UTS2B: variants seen among roughly 807,000 people sequenced by gnomAD.
UTS2B encodes urotensin 2B.
In UTS2B, 21 loss-of-function variants were observed where a neutral mutation model predicts 19.2. The observed-to-expected ratio is 1.09, with a 90% confidence interval of 0.78 to 1.58. The LOEUF is 1.58. Among genes scored for constraint, UTS2B ranks in the 40% most tolerant of loss-of-function variants. UTS2B has a pLI of 0.00. For missense variants in UTS2B, 138 were observed against 130.3 expected (o/e 1.06, Z -0.29); for synonymous variants, 57 against 50.2 (o/e 1.14, Z -0.58).
At chr3:191,294,375 A>T (rs146330195) in intron 4 of UTS2B, among the ~76,000 whole-genome samples, 160 of 152,054 alleles carry the variant, frequency 1.1e-3, no homozygotes, top group Non-Finnish European at 1.6e-3. Flanking sequence ...TTAAATTAGC[A>T]GTGCCTTTGT....
chr3:191,278,100 AT>A lies in UTS2B; in HGVS notation c.173del (p.Asn58IlefsTer12). The A allele has an allele frequency of 6.4e-7, 1 of 1,565,218 alleles. No individual in the cohort carries two copies. The highest frequency in any genetic ancestry group is 8.6e-7 in the Non-Finnish European group (1 of 1,160,048). ...EELLLALLNK[N>X]FDFQRPFNTD... ...TGTTGAAAGGTCTTTGGAAATCAAA[AT>A]TTTTATTCAGTAGAGCCAGCAATAG... On this transcript the variant is annotated frameshift_variant, in exon 6 of 9. Transcript: ENST00000340524. LOFTEE classifies it high-confidence loss of function.
chr3:191,270,852 G>A (rs1036465624), intron 8 of UTS2B, among the ~76,000 whole-genome samples: 1 of 152,022 alleles, frequency 6.6e-6, no homozygotes, highest in Non-Finnish European at 1.5e-5. Flanking sequence ...AAAGCTTAAA[G>A]CTTGTATTTG....
At chr3:191,329,352 T>C (rs1008350043) in intron 1 of UTS2B, 4 of 279,714 alleles carry the variant, frequency 1.4e-5, no homozygotes, top group Admixed American at 1.1e-4. Flanking sequence ...CCCGCCCGCC[T>C]TTCTGTCTCC....
In UTS2B at chr3:191,267,791, G is replaced by T. The variant is rs1026166245; in HGVS notation, c.*625C>A. On this transcript the variant is annotated 3_prime_UTR_variant, in exon 9 of 9. Transcript: ENST00000340524. ...TGTATGTAGAAGTACAGTATACAGA[G>T]ATAAGAATTTACAATATACTGTGTG... 3 of 139,740 alleles carry T rather than the reference G, an allele frequency of 2.1e-5. No homozygotes were observed. Among genetic ancestry groups the T allele is most frequent in the African/African-American group, 7.4e-5 (3 of 40,278 alleles). 8.7% of individuals were successfully genotyped at this position (139,740 alleles called of 1,614,324 possible).
chr3:191,332,439 G>A (rs1718022878), upstream of UTS2B, among the ~76,000 whole-genome samples: 1 of 152,160 alleles, frequency 6.6e-6, no homozygotes, highest in African/African-American at 2.4e-5. Flanking sequence ...CTGGTTAAAA[G>A]TGTGTTTGGA....
chr3:191,334,428 G>A (rs1310730033), upstream of UTS2B, among the ~76,000 whole-genome samples: 3 of 152,114 alleles, frequency 2.0e-5, no homozygotes, highest in Non-Finnish European at 4.4e-5. Context: ...CGACTCACAC[G>A]TGGGAAACCA....
Position 191,282,165 on chromosome 3 carries a change from C to G in UTS2B, c.25G>C (p.Val9Leu), listed in dbSNP as rs761162629. MNKILSST[V>L]CFGLLTLLSV... The stretch of plus-strand genomic sequence containing the variant: ...AACAAAGTTAGGAGTCCAAAGCAAA[C>G]AGTGCTTGAGAGGATCTTGTTCATG... The change falls in exon 5 of 9, where the codon GTT (valine) becomes CTT (leucine). Residue 9 changes from valine to leucine, a missense_variant. Physicochemically the swap from Val to Leu is conservative, Grantham distance 32 (BLOSUM62 1). Transcript: ENST00000340524. The G allele has an allele frequency of 1.6e-5, 26 of 1,612,950 alleles. No homozygotes were observed. The highest frequency in any genetic ancestry group is 2.7e-5 in the African/African-American group (2 of 74,836).
Position 191,267,181 on chromosome 3 carries a change from G to A in UTS2B, c.*1235C>T, listed in dbSNP as rs544315987. ...AACTTTCCAAGATGCTTTTCAAAATGTTTTAATTAATAGTTCAACAGCATA... is the reference window on the plus strand; with the variant it reads ...AACTTTCCAAGATGCTTTTCAAAATATTTTAATTAATAGTTCAACAGCATA... On this transcript the variant is annotated 3_prime_UTR_variant, in exon 9 of 9. Transcript: ENST00000340524. 6.6e-6 allele frequency: 1 copy of A among 152,272 alleles called. No homozygotes were observed. The highest frequency in any genetic ancestry group is 6.5e-5 in the Admixed American group (1 of 15,290). The allele number at this position is 152,272 out of a possible 1,614,324, so 9.4% of individuals were successfully genotyped here.
At chr3:191,321,381 C>T (rs1717606871) in intron 2 of UTS2B, among the ~76,000 whole-genome samples, 1 of 152,138 alleles carries the variant, frequency 6.6e-6, no homozygotes, top group South Asian at 2.1e-4. Flanking sequence ...AACTCTAAAG[C>T]ATCATTTAAT....
intron 4 of UTS2B, among the ~76,000 whole-genome samples, chr3:191,284,907 C>T (rs1472589062): frequency 2.0e-5 from 3 of 152,010 alleles, no homozygotes; most frequent in Non-Finnish European, 2.9e-5. Context: ...AGGAATTCAT[C>T]ACCACCACAC....
intron 4 of UTS2B, among the ~76,000 whole-genome samples, chr3:191,286,413 C>T (rs1402511010): frequency 6.6e-6 from 1 of 151,606 alleles, no homozygotes; most frequent in East Asian, 1.9e-4. Flanking sequence ...GAAGTCATAT[C>T]TTATATCTTC....
chr3:191,322,989 T>C (rs138249346), intron 2 of UTS2B, among the ~76,000 whole-genome samples: 215 of 152,262 alleles, frequency 1.4e-3, no homozygotes, highest in Non-Finnish European at 2.4e-3. Flanking sequence ...GTGCTATGTT[T>C]GTGCTTCTGC....
rs761419414 is a variant in UTS2B, at chr3:191,275,356, T to C, written c.241-11A>G. On this transcript the variant is annotated splice_polypyrimidine_tract_variant and intron_variant, in intron 7 of 8. Coordinates refer to ENST00000340524, the MANE Select transcript of UTS2B (RefSeq NM_198152.5). The stretch of plus-strand genomic sequence containing the variant: ...TTTTAGCTTTTCCAGCTGATAAAAT[T>C]GTAAAATGATAATTAATTGGTCTTC... 4 of 1,606,418 alleles carry C rather than the reference T, an allele frequency of 2.5e-6. No homozygotes were observed. The highest frequency in any genetic ancestry group is 3.4e-6 in the Non-Finnish European group (4 of 1,173,230).
chr3:191,268,656 A>G (rs759183639), intron 8 of UTS2B, among the ~76,000 whole-genome samples: 1 of 152,226 alleles, frequency 6.6e-6, no homozygotes, highest in Non-Finnish European at 1.5e-5. Context: ...CAACTGCTCA[A>G]TAGCACTTGT....
chr3:191,309,998 T>C (rs575100174), intron 3 of UTS2B, among the ~76,000 whole-genome samples: 49 of 152,032 alleles, frequency 3.2e-4, no homozygotes, highest in Non-Finnish European at 5.7e-4. Context: ...GGTCTCACTC[T>C]GTCACCCAGG....
chr3:191,329,954 G>GGA (rs1717904995), intron 1 of UTS2B, among the ~76,000 whole-genome samples: 27 of 138,236 alleles, frequency 2.0e-4, no homozygotes, highest in East Asian at 4.6e-4. Flanking sequence ...GGGGGGGGGG[G>GGA]GGCTAGCAGC....
intron 2 of UTS2B, among the ~76,000 whole-genome samples, chr3:191,326,546 C>T (rs986981962): frequency 3.3e-5 from 5 of 151,936 alleles, no homozygotes; most frequent in African/African-American, 1.2e-4. Flanking sequence ...TAAATAAAAT[C>T]CTTATTTCTC....
At position 191,275,462 on chromosome 3, in the gene UTS2B, C is replaced by T. The variant is rs1331955024; in HGVS notation, c.241-117G>A. 3.6e-5 allele frequency: 25 copies of T among 697,198 alleles called. 1 individual carries two copies. Among genetic ancestry groups the T allele is most frequent in the South Asian group, 2.2e-4 (13 of 59,804 alleles). The allele number at this position is 697,198 out of a possible 1,614,324, so 43.2% of individuals were successfully genotyped here. On this transcript the variant is annotated intron_variant, in intron 7 of 8. Transcript: ENST00000340524. ...TCGGGAGGCCGAGGCAGGCAGGTCA[C>T]GAGGTCAGGCGATCAAGACCATCCT...
intron 2 of UTS2B, among the ~76,000 whole-genome samples, chr3:191,318,000 A>G (rs12485795): frequency 6.6e-6 from 1 of 151,970 alleles, no homozygotes; most frequent in Non-Finnish European, 1.5e-5. Context: ...CTTCTACTGC[A>G]TTTTATTGGT....
Sources: gnomAD v4.1 joint callset for allele counts (sites outside exome capture counted in the v4.1 genomes callset) on GRCh38, gnomAD v4.1.1 for gene constraint, MANE v1.5 for transcripts, NCBI Gene and HGNC (gene_info 2026-07-23, HGNC 2026-07-21) for gene names.